Variants in AMBP observed in about 807,000 individuals in gnomAD.
AMBP encodes protein AMBP.
AMBP carries 37 observed loss-of-function variants against 46.3 expected under a neutral mutation model. That is an observed-to-expected ratio of 0.80 (90% confidence interval 0.61 to 1.05). AMBP has a LOEUF of 1.05. Among genes scored for constraint, AMBP ranks in the 50% least tolerant of loss-of-function variants. The pLI is 0.00. For missense variants in AMBP, 475 were observed against 461.2 expected, an observed-to-expected ratio of 1.03 and a Z score of -0.27; for synonymous variants, 174 against 175.9, an observed-to-expected ratio of 0.99 and a Z score of 0.09.
At position 114,076,606 on chromosome 9, in the gene AMBP, A is replaced by C. The variant is rs760528665; in HGVS notation, c.252T>G (p.Thr84=). Residue 84 remains threonine, a synonymous_variant, in exon 2 of 10, where the codon ACT becomes ACG. Coordinates refer to ENST00000265132, the MANE Select transcript of AMBP (RefSeq NM_001633.4). The stretch of plus-strand genomic sequence containing the variant: ...CCCACCCTAGTGCTCACCGCCAACG[A>C]GTGCTGGTCATGCTGATCTCCGCCT... ...ATEAEISMTS[T]RWRKGVCEET... is the part of the protein sequence containing the mutation. 6.2e-6 allele frequency: 10 copies of C among 1,613,740 alleles called. No homozygotes were observed. In the East Asian group the frequency reaches 6.7e-5, roughly 11 times the overall value.
chr9:114,077,737 T>G, intron 1 of AMBP: 1 of 214,080 alleles, frequency 4.7e-6, no homozygotes, highest in African/African-American at 2.3e-5. Flanking sequence ...GAGAGGGGAG[T>G]CATTAGAGAA....
At chr9:114,070,033 G>A (rs1170607294) in intron 5 of AMBP, 2 of 468,196 alleles carry the variant, frequency 4.3e-6, no homozygotes, top group African/African-American at 3.9e-5. Flanking sequence ...GAGCATTTAT[G>A]AGCACAGTGC....
At chr9:114,062,784 C>T in intron 6 of AMBP, 26 bp from the exon 7 acceptor site, 1 of 1,605,430 alleles carries the variant, frequency 6.2e-7, no homozygotes, top group Non-Finnish European at 8.5e-7. Context: ...AGAGAAGAAG[C>T]AGTTGCAGAC....
intron 3 of AMBP, among the ~76,000 whole-genome samples, 177 bp downstream of exon 3, chr9:114,074,783 A>AAGGGGAGGAGG (rs1846786931): frequency 6.6e-6 from 1 of 151,900 alleles, no homozygotes; most frequent in Admixed American, 6.6e-5. Flanking sequence ...GGAGAGAGGG[A>AAGGGGAGGAGG]AGGGGAGGAG....
At chr9:114,074,842 G>T in intron 3 of AMBP, 118 bp downstream of exon 3, 2 of 842,590 alleles carry the variant, frequency 2.4e-6, no homozygotes, top group Non-Finnish European at 3.9e-6. Context: ...TTTGGGGGAA[G>T]GCTAGATGAC....
intron 4 of AMBP, among the ~76,000 whole-genome samples, chr9:114,073,432 G>T (rs528111856): frequency 6.6e-6 from 1 of 150,770 alleles, no homozygotes; most frequent in South Asian, 2.1e-4. Context: ...ATTTTCAGTA[G>T]AGACGGGGTT....
chr9:114,073,515 T>TTTTTA (rs1846768325), intron 4 of AMBP, among the ~76,000 whole-genome samples: 1 of 139,224 alleles, frequency 7.2e-6, no homozygotes. Context: ...TTTTTTTTTT[T>TTTTTA]GAGACAGGGT....
chr9:114,071,567 C>T (rs1250055699), intron 5 of AMBP, among the ~76,000 whole-genome samples: 3 of 152,210 alleles, frequency 2.0e-5, no homozygotes, highest in African/African-American at 7.2e-5. Context: ...CCAGTGAAGC[C>T]CCACTTTCAA....
chr9:114,076,296 G>A (rs994147564), intron 2 of AMBP, among the ~76,000 whole-genome samples: 5 of 151,990 alleles, frequency 3.3e-5, no homozygotes, highest in African/African-American at 9.7e-5. Flanking sequence ...GGTGACAGGG[G>A]AGAGAGGAGC....
intron 9 of AMBP, 88 bp from the exon 10 acceptor site, chr9:114,060,358 CTGCT>C: frequency 1.4e-6 from 2 of 1,397,800 alleles, no homozygotes; most frequent in Admixed American, 3.6e-5. Flanking sequence ...CCAGAAACCT[CTGCT>C]TGCTGAATCA....
Position 114,076,598 on chromosome 9 carries a change from C to G in AMBP, c.260G>C (p.Arg87Pro). Reference sequence around the variant, plus strand: ...TTTCCAGCCCCACCCTAGTGCTCACCGCCAACGAGTGCTGGTCATGCTGAT... The same window carrying G: ...TTTCCAGCCCCACCCTAGTGCTCACGGCCAACGAGTGCTGGTCATGCTGAT... The part of the protein sequence containing the change: ...AEISMTSTRW[R>P]KGVCEETSGA... The change falls in exon 2 of 10, where the codon CGG becomes CCG. Residue 87 changes from arginine to proline, a missense_variant and splice_region_variant. Transcript: ENST00000265132. 6.2e-7 allele frequency: 1 copy of G among 1,613,428 alleles called. No homozygotes were observed. The highest frequency in any genetic ancestry group is 8.5e-7 in the Non-Finnish European group (1 of 1,179,882).
In AMBP at chr9:114,062,770, A is replaced by G; in HGVS notation, c.604-12T>C. ...GCCCTCCGGACTCTCTGCGGGGGAG[A>G]GAAAGAGAAGAAGCAGTTGCAGACT... On this transcript the variant is annotated splice_polypyrimidine_tract_variant and intron_variant, in intron 6 of 9. Coordinates refer to ENST00000265132, the MANE Select transcript of AMBP (RefSeq NM_001633.4). 3 of 1,613,408 alleles carry G rather than the reference A, an allele frequency of 1.9e-6. No individual in the cohort carries two copies. The South Asian group carries it at 3.3e-5, about 18-fold the overall frequency.
At chr9:114,066,323 C>T (rs1292638588) in intron 6 of AMBP, among the ~76,000 whole-genome samples, 1 of 151,746 alleles carries the variant, frequency 6.6e-6, no homozygotes, top group Non-Finnish European at 1.5e-5. Context: ...AAGGAAATTC[C>T]TCAATGCCTT....
At chr9:114,063,767 G>A (rs1846665016) in intron 6 of AMBP, among the ~76,000 whole-genome samples, 4 of 152,182 alleles carry the variant, frequency 2.6e-5, no homozygotes, top group Admixed American at 6.5e-5. Context: ...AAATGAATAT[G>A]TGAAAGTAGA....
chr9:114,073,493 G>GTTTTTT lies in AMBP; in HGVS notation c.455-473_455-468dup, dbSNP rs59522385. ...AATAGCCAGGATGGTCTCAATCCCT[G>GTTTTTT]TTTTTTTTTTTTTTTTTTTTTTGAG... On this transcript the variant is annotated intron_variant, in intron 4 of 9. Transcript: ENST00000265132. Among the ~76,000 whole-genome samples, 454 of 107,224 alleles carry GTTTTTT rather than the reference G, an allele frequency of 4.2e-3. 15 individuals carry two copies. Among genetic ancestry groups the GTTTTTT allele is most frequent in the African/African-American group, 0.015 (415 of 28,314 alleles). The allele number at this position is 107,224 out of a possible 152,430, so 70.3% of individuals were successfully genotyped here. A position where few individuals can be genotyped will look rare whatever the true frequency, so the allele number is the denominator to read the frequency against.
intron 6 of AMBP, among the ~76,000 whole-genome samples, chr9:114,063,331 C>A (rs1242617483): frequency 6.6e-6 from 1 of 152,036 alleles, no homozygotes; most frequent in East Asian, 1.9e-4. Context: ...GATCCCAGGG[C>A]AATTATAGAA....
At chr9:114,067,938 C>T (rs149363899) in intron 6 of AMBP, among the ~76,000 whole-genome samples, 10 of 152,172 alleles carry the variant, frequency 6.6e-5, no homozygotes, top group South Asian at 2.1e-4. Context: ...ATAAATAACT[C>T]GGGAACGGAG....
chr9:114,064,268 A>G (rs1483174989), intron 6 of AMBP, among the ~76,000 whole-genome samples: 3 of 152,248 alleles, frequency 2.0e-5, no homozygotes, highest in Non-Finnish European at 4.4e-5. Flanking sequence ...AAGGGAATCT[A>G]AATGCCAGAA....
At chr9:114,070,325 G>A (rs538122761) in intron 5 of AMBP, among the ~76,000 whole-genome samples, 9 of 152,284 alleles carry the variant, frequency 5.9e-5, no homozygotes, top group Admixed American at 2.6e-4. Context: ...TCCCACCCCT[G>A]AGGCAGGCAA....
Sources: allele counts gnomAD v4.1 joint callset (sites outside exome capture counted in the v4.1 genomes callset), GRCh38; gene constraint gnomAD v4.1.1; transcripts MANE v1.5; gene names NCBI Gene and HGNC (gene_info 2026-07-23, HGNC 2026-07-21).